Variants in ZNF492 observed in about 807,000 individuals in gnomAD.
The protein encoded by ZNF492 is zinc finger protein 115 (Y20).
Under a neutral mutation model 6.4 loss-of-function variants are expected in ZNF492, and 3 were observed. The observed-to-expected ratio is 0.47, with a 90% CI of 0.21 to 1.22. The LOEUF (loss-of-function observed/expected upper bound fraction) is 1.22, where lower values mean the gene tolerates loss of function less well. ZNF492 is among the 50% of genes most tolerant of loss of function. The pLI is 0.22. For synonymous variants in ZNF492, 112 were observed against 205.3 expected (o/e 0.55, Z 3.89); for missense variants, 356 against 612.5 (o/e 0.58, Z 4.42).
At chr19:22,651,901 TA>T (rs1971943442) in intron 1 of ZNF492, among the ~76,000 whole-genome samples, 1 of 152,172 alleles carries the variant, frequency 6.6e-6, no homozygotes, top group Non-Finnish European at 1.5e-5. Context: ...AAAGACTACT[TA>T]AAATCACTAT....
chr19:22,647,237 T>TG, intron 1 of ZNF492, among the ~76,000 whole-genome samples: 1 of 149,516 alleles, frequency 6.7e-6, no homozygotes, highest in African/African-American at 2.5e-5. Context: ...TGCCAGTTTT[T>TG]TTTTGTTTGT....
intron 1 of ZNF492, among the ~76,000 whole-genome samples, chr19:22,649,604 T>A (rs759112644): frequency 6.6e-6 from 1 of 152,060 alleles, no homozygotes; most frequent in Non-Finnish European, 1.5e-5. Flanking sequence ...AGTCCCATAT[T>A]TCTCGGAGGC....
chr19:22,644,030 C>G (rs1015208637), intron 1 of ZNF492, among the ~76,000 whole-genome samples: 9 of 151,392 alleles, frequency 5.9e-5, no homozygotes, highest in African/African-American at 2.2e-4. Context: ...GTTGCTGAAT[C>G]TCTTCTGTTA....
intron 3 of ZNF492, among the ~76,000 whole-genome samples, chr19:22,661,353 G>A (rs1432447002): frequency 6.6e-6 from 1 of 151,710 alleles, no homozygotes; most frequent in East Asian, 1.9e-4. Context: ...GTTTCTTTCT[G>A]AAGTTTATAC....
intron 1 of ZNF492, 95 bp downstream of exon 1, chr19:22,634,569 C>A: frequency 8.4e-7 from 1 of 1,190,364 alleles, no homozygotes; most frequent in Non-Finnish European, 1.2e-6. Flanking sequence ...TCCCCGCAGT[C>A]GGCTCCACAA....
At chr19:22,660,473 A>G (rs1486775128) in intron 3 of ZNF492, among the ~76,000 whole-genome samples, 1 of 151,224 alleles carries the variant, frequency 6.6e-6, no homozygotes, top group Non-Finnish European at 1.5e-5. Context: ...AAACAACAGT[A>G]TAGTTTTAAT....
At position 22,665,144 on chromosome 19, in the gene ZNF492, T is replaced by C. The variant is rs764506058; in HGVS notation, c.1475T>C (p.Leu492Pro). ...AAAGCCTTTAACAACTCCTCTATTC[T>C]TAACAGACATAAGATGATTCATACT... is the stretch of plus-strand genomic sequence containing the variant. ...CGKAFNNSSI[L>P]NRHKMIHTGE... The change falls in exon 4 of 4, where the codon CTT (leucine) becomes CCT (proline). Residue 492 changes from leucine to proline, a missense_variant. Leu to Pro is a moderately conservative substitution (Grantham distance 98). Coordinates refer to ENST00000456783, the MANE Select transcript of ZNF492 (RefSeq NM_020855.3). 4 of 1,610,782 alleles carry C rather than the reference T, an allele frequency of 2.5e-6. No homozygotes were observed. Among genetic ancestry groups the C allele is most frequent in the Non-Finnish European group, 3.4e-6 (4 of 1,179,720 alleles).
Position 22,666,698 on chromosome 19 carries a change from T to C in ZNF492, c.*1433T>C, listed in dbSNP as rs920550557. ...CATGAGGTAGGTGTTCTGAGTAATA[T>C]TCTGCATTATATTGAGAGACAAATT... On this transcript the variant is annotated 3_prime_UTR_variant, in exon 4 of 4. Coordinates refer to ENST00000456783, the MANE Select transcript of ZNF492 (RefSeq NM_020855.3). The C allele has an allele frequency of 6.6e-6, 1 of 151,824 alleles. No individual in the cohort carries two copies. Among genetic ancestry groups the C allele is most frequent in the African/African-American group, 2.4e-5 (1 of 41,088 alleles). 9.4% of individuals were successfully genotyped at this position (151,824 alleles called of 1,614,324 possible).
intron 1 of ZNF492, among the ~76,000 whole-genome samples, chr19:22,646,750 C>G (rs2145248799): frequency 6.6e-6 from 1 of 152,242 alleles, no homozygotes; most frequent in East Asian, 1.9e-4. Flanking sequence ...TTATCAAAGG[C>G]CATTTCTGCA....
At chr19:22,639,832 T>C (rs547468585) in intron 1 of ZNF492, among the ~76,000 whole-genome samples, 206 of 151,944 alleles carry the variant, frequency 1.4e-3, no homozygotes, top group African/African-American at 4.8e-3. Context: ...TTCCTGTTTG[T>C]ATGCCTTTTT....
chr19:22,645,960 CTCTA>C (rs1971873137), intron 1 of ZNF492, among the ~76,000 whole-genome samples: 1 of 152,058 alleles, frequency 6.6e-6, no homozygotes, highest in Non-Finnish European at 1.5e-5. Flanking sequence ...AGTGTGATGC[CTCTA>C]TCTTTGTTCT....
intron 3 of ZNF492, among the ~76,000 whole-genome samples, chr19:22,655,842 T>TG (rs1971991468): frequency 7.2e-6 from 1 of 139,060 alleles, no homozygotes; most frequent in Non-Finnish European, 1.5e-5. Flanking sequence ...TTTTTTTTTT[T>TG]GAGACAGCGT....
rs191355366 is a variant in ZNF492, at chr19:22,657,704, A to T, written c.130+3689A>T. Among the ~76,000 whole-genome samples the T allele has an allele frequency of 2.0e-4, 31 of 152,206 alleles. No individual in the cohort carries two copies. The South Asian group carries it at 6.0e-3, about 29-fold the overall frequency. ...ATTTTTTCAGTGTAGGTTTCTTAAC[A>T]TAAGTTTATTGTGTTTTTTGGTTTT... On this transcript the variant is annotated intron_variant, in intron 3 of 3. Transcript: ENST00000456783.
chr19:22,653,858 C>T (rs1971966505), intron 2 of ZNF492, 62 bp from the exon 3 acceptor site: 1 of 1,499,446 alleles, frequency 6.7e-7, no homozygotes, highest in Admixed American at 2.3e-5. Flanking sequence ...TTTTTCTGAA[C>T]ACACTACTAA....
rs71180575 is a variant in ZNF492, at chr19:22,647,727, G to GTTT, written c.-93-5562_-93-5560dup. ...TTGCTCTTGCTTTCTAGCTCTTTTA[G>GTTT]TTTTTTTTTTTTTTTTTTTTGAGAT... On this transcript the variant is annotated intron_variant, in intron 1 of 3. Coordinates refer to ENST00000456783, the MANE Select transcript of ZNF492 (RefSeq NM_020855.3). Among the ~76,000 whole-genome samples, 58 of 92,572 alleles carry GTTT rather than the reference G, an allele frequency of 6.3e-4. 2 individuals carry two copies. Among genetic ancestry groups the GTTT allele is most frequent in the African/African-American group, 1.4e-3 (30 of 21,068 alleles). 60.7% of individuals were successfully genotyped at this position (92,572 alleles called of 152,430 possible).
At chr19:22,659,561 T>TACACACCCAC (rs1972032983) in intron 3 of ZNF492, among the ~76,000 whole-genome samples, 1 of 138,746 alleles carries the variant, frequency 7.2e-6, no homozygotes, top group African/African-American at 2.8e-5. Context: ...TAATGTGAGA[T>TACACACCCAC]ACACACACAC....
intron 3 of ZNF492, among the ~76,000 whole-genome samples, chr19:22,656,401 A>G (rs1317878939): frequency 6.6e-6 from 1 of 151,784 alleles, no homozygotes; most frequent in Non-Finnish European, 1.5e-5. Flanking sequence ...TGCATATGGT[A>G]GGCTTTATAT....
intron 3 of ZNF492, among the ~76,000 whole-genome samples, chr19:22,655,294 CA>C (rs35079347): frequency 0.21 from 28,445 of 138,344 alleles, 3,453 homozygotes; most frequent in African/African-American, 0.38. Flanking sequence ...AACTCCATCT[CA>C]AAAAAAAAAA....
In ZNF492 at chr19:22,665,970, A is replaced by G. The variant is rs1169169117; in HGVS notation, c.*705A>G. 1 of 152,190 alleles carries G rather than the reference A, an allele frequency of 6.6e-6. No individual in the cohort carries two copies. Among genetic ancestry groups the G allele is most frequent in the Admixed American group, 6.5e-5 (1 of 15,280 alleles). The allele number at this position is 152,190 out of a possible 1,614,324, so 9.4% of individuals were successfully genotyped here. On this transcript the variant is annotated 3_prime_UTR_variant, in exon 4 of 4. Coordinates refer to ENST00000456783, the MANE Select transcript of ZNF492 (RefSeq NM_020855.3). ...TAATCCAAAACTAAACTTGGCAGAAAAATTATTTGTTTATAACTTTAAAAG... is the reference window on the plus strand; with the variant it reads ...TAATCCAAAACTAAACTTGGCAGAAGAATTATTTGTTTATAACTTTAAAAG...
Sources: allele counts gnomAD v4.1 joint callset (sites outside exome capture counted in the v4.1 genomes callset), GRCh38; gene constraint gnomAD v4.1.1; transcripts MANE v1.5; gene names NCBI Gene and HGNC (gene_info 2026-07-23, HGNC 2026-07-21).